The following OPA1 variants were observed in gnomAD, a reference collection of about 807,000 sequenced individuals.
OPA1 encodes the protein OPA1 mitochondrial dynamin like GTPase.
OPA1 carries 59 observed loss-of-function variants against 152.9 expected under a neutral mutation model. The ratio of observed to expected loss-of-function variants is 0.39; its 90% CI spans 0.31 to 0.48. OPA1 has a LOEUF of 0.48. Ranked by LOEUF, OPA1 falls within the 20% of genes least tolerant of loss-of-function variation. The pLI is 0.96. For synonymous variants in OPA1, 400 were observed against 389.9 expected, an observed-to-expected ratio of 1.03 and a Z score of -0.31; for missense variants, 1,008 against 1,216.8, an observed-to-expected ratio of 0.83 and a Z score of 2.55.
chr3:193,683,604 A>G (rs536145466), intron 29 of OPA1, among the ~76,000 whole-genome samples: 1 of 152,228 alleles, frequency 6.6e-6, no homozygotes, highest in South Asian at 2.1e-4. Context: ...TATTTTAAGA[A>G]ATTGCCATAG....
chr3:193,649,890 C>T (rs1338712826), intron 21 of OPA1, among the ~76,000 whole-genome samples: 1 of 152,112 alleles, frequency 6.6e-6, no homozygotes, highest in Admixed American at 6.5e-5. Flanking sequence ...TAGCCCAGTT[C>T]CATGGCTTTG....
chr3:193,608,797 G>A (rs1235531011), intron 1 of OPA1, among the ~76,000 whole-genome samples: 1 of 152,122 alleles, frequency 6.6e-6, no homozygotes, highest in East Asian at 1.9e-4. Flanking sequence ...AATGTTGACA[G>A]TGGGGTGTTA....
Position 193,615,724 on chromosome 3 carries a change from G to A in OPA1, c.402G>A (p.Trp134Ter), listed in dbSNP as rs1478806927. The change falls in exon 3 of 31, where the codon TGG becomes TGA. Residue 134 changes from tryptophan to a stop codon, truncating the protein, a stop_gained. Transcript: ENST00000361510. LOFTEE classifies it high-confidence loss of function. ...DMIPDLSEYKWIVPDIVWEID... is the reference protein window; with the variant it reads ...DMIPDLSEYK ...TACCGGACCTTAGTGAATATAAATG[G>A]ATTGTGCCTGACATTGTGTGGGAAA... 1 of 1,612,678 alleles carries A rather than the reference G, an allele frequency of 6.2e-7. No homozygotes were observed. The highest frequency in any genetic ancestry group is 8.5e-7 in the Non-Finnish European group (1 of 1,178,950).
At chr3:193,657,344 A>C in intron 23 of OPA1, 112 bp downstream of exon 23, 1 of 1,061,872 alleles carries the variant, frequency 9.4e-7, no homozygotes, top group Non-Finnish European at 1.4e-6. Flanking sequence ...AATTAAAAAT[A>C]ATGAAGTAAA....
chr3:193,636,516 A>G (rs563835788), intron 9 of OPA1, among the ~76,000 whole-genome samples: 86 of 151,602 alleles, frequency 5.7e-4, no homozygotes, highest in Middle Eastern at 6.8e-3. Context: ...TAATTATTAA[A>G]TGCTTGATGG....
chr3:193,659,441 G>GT, intron 24 of OPA1, 41 bp from the exon 25 acceptor site: 1 of 1,445,614 alleles, frequency 6.9e-7, no homozygotes. Context: ...TTGTGTGTGT[G>GT]TAAGTGATAA....
Position 193,615,708 on chromosome 3 carries a change from T to C in OPA1, c.386T>C (p.Leu129Pro). Residue 129 changes from leucine (L) to proline (P), a missense_variant, in exon 3 of 31, where the codon CTT (leucine) becomes CCT (proline). Physicochemically the swap from Leu to Pro is moderately conservative, Grantham distance 98. Coordinates refer to ENST00000361510, the MANE Select transcript of OPA1 (RefSeq NM_130837.3). Reference sequence around the variant, plus strand: ...CAGTGGAAAGATATGATACCGGACCTTAGTGAATATAAATGGATTGTGCCT... The same window carrying C: ...CAGTGGAAAGATATGATACCGGACCCTAGTGAATATAAATGGATTGTGCCT... ...FDQWKDMIPD[L>P]SEYKWIVPDI... The C allele has an allele frequency of 6.2e-7, 1 of 1,612,178 alleles. No individual in the cohort carries two copies. The highest frequency in any genetic ancestry group is 1.1e-5 in the South Asian group (1 of 91,048).
rs758497181 is a variant in OPA1 at position 193,626,217 on chromosome 3, A to G, written c.789+15A>G. 2 of 1,585,958 alleles carry G rather than the reference A, an allele frequency of 1.3e-6. No homozygotes were observed. The highest frequency in any genetic ancestry group is 3.3e-5 in the Admixed American group (2 of 59,966). ...AGAAGCGCAAGGTGATGGATGGTTT[A>G]AGGGGGCTACCGATACATTCACACT... On this transcript the variant is annotated intron_variant, in intron 7 of 30. Coordinates refer to ENST00000361510, the MANE Select transcript of OPA1 (RefSeq NM_130837.3).
chr3:193,666,066 T>C (rs1716459940), intron 27 of OPA1, among the ~76,000 whole-genome samples: 2 of 152,192 alleles, frequency 1.3e-5, no homozygotes. Context: ...GTCATTAGAA[T>C]TGAAACAAAG....
At chr3:193,651,592 GA>G (rs1490280131) in intron 21 of OPA1, among the ~76,000 whole-genome samples, 2 of 152,144 alleles carry the variant, frequency 1.3e-5, no homozygotes, top group African/African-American at 4.8e-5. Context: ...GTCCCATTTG[GA>G]ATTATATAGT....
Position 193,695,410 on chromosome 3 carries a change from G to A in OPA1, c.*810G>A, listed in dbSNP as rs1722168441. On this transcript the variant is annotated 3_prime_UTR_variant, in exon 31 of 31. Transcript: ENST00000361510. ...CCGGATTATGACACAGGATGAGGAA[G>A]ATTAAGGATAATCAATTGACTAATT... The A allele has an allele frequency of 6.6e-6, 1 of 152,156 alleles. No individual in the cohort carries two copies. Among genetic ancestry groups the A allele is most frequent in the Non-Finnish European group, 1.5e-5 (1 of 68,026 alleles). 9.4% of individuals were successfully genotyped at this position (152,156 alleles called of 1,614,324 possible).
chr3:193,643,070 C>G lies in OPA1; in HGVS notation c.1305+21C>G, dbSNP rs368941574. 3.2e-6 allele frequency: 5 copies of G among 1,572,752 alleles called. No individual in the cohort carries two copies. In the African/African-American group the frequency reaches 6.8e-5, roughly 21 times the overall value. On this transcript the variant is annotated intron_variant, in intron 13 of 30. Coordinates refer to ENST00000361510, the MANE Select transcript of OPA1 (RefSeq NM_130837.3). ...CTGAGGTAAGGGTTGCAATTCATTT[C>G]AGTGACGTTTTATGGAAATTAAATG... is the stretch of plus-strand genomic sequence containing the variant.
intron 9 of OPA1, 30 bp downstream of exon 9, chr3:193,635,552 A>C (rs528622242): frequency 1.5e-6 from 2 of 1,312,098 alleles, no homozygotes; most frequent in Non-Finnish European, 2.2e-6. Context: ...TTTATTCTCA[A>C]AATTTTACCG....
At chr3:193,635,669 A>T in intron 9 of OPA1, 147 bp downstream of exon 9, 1 of 621,780 alleles carries the variant, frequency 1.6e-6, no homozygotes, top group Non-Finnish European at 2.9e-6. Flanking sequence ...ATCTCTTCCT[A>T]TATTAAGACA....
chr3:193,653,584 T>A (rs1488636899), intron 21 of OPA1, among the ~76,000 whole-genome samples: 1 of 152,208 alleles, frequency 6.6e-6, no homozygotes, highest in Non-Finnish European at 1.5e-5. Flanking sequence ...CATGTTCTTT[T>A]AAGATGTCTT....
chr3:193,668,416 C>T lies in OPA1; in HGVS notation c.2983+1136C>T, dbSNP rs1717145154. 3.9e-6 allele frequency: 6 copies of T among 1,551,122 alleles called. No homozygotes were observed. In the South Asian group the frequency reaches 4.8e-5, roughly 12 times the overall value. ...TTCTTTTACCTTGTCTGGGCTCTGA[C>T]ATCCGTGCCAGGTTGCTCTTCGTCA... On this transcript the variant is annotated intron_variant, in intron 29 of 30. Coordinates refer to ENST00000361510, the MANE Select transcript of OPA1 (RefSeq NM_130837.3).
At chr3:193,605,856 A>G (rs1310331940) in intron 1 of OPA1, among the ~76,000 whole-genome samples, 1 of 152,200 alleles carries the variant, frequency 6.6e-6, no homozygotes, top group Non-Finnish European at 1.5e-5. Context: ...AACCCCTGTC[A>G]CAGAAATGAC....
rs77645504 is a variant in OPA1, at chr3:193,644,994, C to CT, written c.1609-546dup. Among the ~76,000 whole-genome samples the CT allele has an allele frequency of 4.3e-3, 599 of 140,860 alleles. 2 individuals are homozygous for CT. The highest frequency in any genetic ancestry group is 0.012 in the African/African-American group (464 of 38,564). The allele number at this position is 140,860 out of a possible 152,430, so 92.4% of individuals were successfully genotyped here. A position where few individuals can be genotyped will look rare whatever the true frequency, so the allele number is the denominator to read the frequency against. ...ATATGCATTTTTCTGGGTACATAGTCTTTTTTTTTTTTTAGTCACATTTAG... is the reference window on the plus strand; with the variant it reads ...ATATGCATTTTTCTGGGTACATAGTCTTTTTTTTTTTTTTAGTCACATTTAG... On this transcript the variant is annotated intron_variant, in intron 16 of 30. Coordinates refer to ENST00000361510, the MANE Select transcript of OPA1 (RefSeq NM_130837.3).
chr3:193,667,649 C>T (rs577586458), intron 29 of OPA1, among the ~76,000 whole-genome samples: 7 of 130,730 alleles, frequency 5.4e-5, no homozygotes, highest in Non-Finnish European at 9.2e-5. Flanking sequence ...CCAGCCTGAG[C>T]GACAGGGCGA....
Sources: allele counts gnomAD v4.1 joint callset (sites outside exome capture counted in the v4.1 genomes callset), GRCh38; gene constraint gnomAD v4.1.1; transcripts MANE v1.5; gene names NCBI Gene and HGNC (gene_info 2026-07-23, HGNC 2026-07-21).